Variants in IQSEC1 observed in about 807,000 individuals in gnomAD.
IQSEC1 encodes the protein IQ motif and SEC7 domain-containing protein 1.
In IQSEC1, 31 loss-of-function variants were observed where a neutral mutation model predicts 91.0. That is an observed-to-expected ratio of 0.34 (90% CI 0.26 to 0.46). The LOEUF (loss-of-function observed/expected upper bound fraction) is 0.46. IQSEC1 is among the 20% of genes least tolerant of loss of function. IQSEC1 has a pLI of 1.00. For synonymous variants in IQSEC1, 699 were observed against 662.6 expected (o/e 1.05, Z -0.84); for missense variants, 1,388 against 1,575.6 (o/e 0.88, Z 2.02).
rs201817607 is a variant in IQSEC1, at chr3:12,933,204, C to T, written c.1568+2244G>A. 6.6e-5 allele frequency among the ~76,000 whole-genome samples: 10 copies of T among 152,330 alleles called. No individual in the cohort carries two copies. The East Asian group carries it at 1.9e-3, about 29-fold the overall frequency. On this transcript the variant is annotated intron_variant, in intron 3 of 13. Transcript: ENST00000613206. Reference sequence around the variant, plus strand: ...GGAAGGGAAAGGGCAGTTCCTCCTTCAACTAAAAACGTGCCTAGCTAAGAC... The same window carrying T: ...GGAAGGGAAAGGGCAGTTCCTCCTTTAACTAAAAACGTGCCTAGCTAAGAC...
intron 1 of IQSEC1, among the ~76,000 whole-genome samples, chr3:13,262,221 C>T (rs1393134856): frequency 6.6e-6 from 1 of 152,186 alleles, no homozygotes; most frequent in African/African-American, 2.4e-5. Context: ...TACTATGCAC[C>T]GGGGTCTGTG....
rs185630397 is a variant in IQSEC1 at position 13,121,582 on chromosome 3, G to C, written c.302+42522C>G. On this transcript the variant is annotated intron_variant, in intron 2 of 15. Coordinates refer to the IQSEC1 transcript ENST00000648114. ...TCTCTGCACCTGGAATGGTGGCCCT[G>C]AGTAGTCATGCACCCGTAATTGATG... Among the ~76,000 whole-genome samples the C allele has an allele frequency of 8.8e-4, 134 of 152,342 alleles. 1 individual carries two copies. Among genetic ancestry groups the C allele is most frequent in the Non-Finnish European group, 1.9e-4 (13 of 68,016 alleles).
chr3:13,154,438 C>CGCACATATATATATATAT (rs1553569696), intron 2 of IQSEC1, among the ~76,000 whole-genome samples: 1 of 20,746 alleles, frequency 4.8e-5, no homozygotes, highest in Non-Finnish European at 8.1e-5. Context: ...AACTTACATG[C>CGCACATATATATATATAT]ATATATATAT....
intron 1 of IQSEC1, among the ~76,000 whole-genome samples, chr3:13,196,014 C>G (rs550026490): frequency 2.0e-5 from 3 of 152,310 alleles, no homozygotes; most frequent in Admixed American, 6.5e-5. Flanking sequence ...TAGAAGGTTA[C>G]TTTTTTAAAA....
intron 2 of IQSEC1, among the ~76,000 whole-genome samples, chr3:13,108,749 T>TAA (rs1355346991): frequency 6.6e-6 from 1 of 152,110 alleles, no homozygotes; most frequent in Non-Finnish European, 1.5e-5. Context: ...GGACAAAACT[T>TAA]AAAAACACAT....
chr3:12,913,245 T>C (rs1281333828), intron 9 of IQSEC1, among the ~76,000 whole-genome samples, 183 bp downstream of exon 9: 1 of 152,224 alleles, frequency 6.6e-6, no homozygotes, highest in Non-Finnish European at 1.5e-5. Flanking sequence ...AAGATCTCCC[T>C]CTGGACCTGT....
chr3:13,230,869 G>A (rs1173562582), intron 1 of IQSEC1, among the ~76,000 whole-genome samples: 2 of 152,194 alleles, frequency 1.3e-5, no homozygotes, highest in Admixed American at 1.3e-4. Flanking sequence ...CTCTTCAACT[G>A]GGGCATGGAC....
intron 1 of IQSEC1, among the ~76,000 whole-genome samples, chr3:13,011,695 TG>T (rs1702889131): frequency 6.6e-6 from 1 of 152,224 alleles, no homozygotes; most frequent in South Asian, 2.1e-4. Context: ...CACTTCTGTG[TG>T]GGGGCCTCTG....
At chr3:13,141,373 G>A (rs1428167633) in intron 2 of IQSEC1, among the ~76,000 whole-genome samples, 1 of 152,252 alleles carries the variant, frequency 6.6e-6, no homozygotes, top group Non-Finnish European at 1.5e-5. Context: ...GAGGAATGCA[G>A]CAGCCGCATG....
chr3:12,902,505 C>A (rs1424859350), intron 13 of IQSEC1, among the ~76,000 whole-genome samples: 1 of 151,798 alleles, frequency 6.6e-6, no homozygotes, highest in Non-Finnish European at 1.5e-5. Context: ...GAACCACCCC[C>A]ACTGTTGAGT....
chr3:13,102,540 C>G (rs1402119808), intron 2 of IQSEC1, among the ~76,000 whole-genome samples: 1 of 152,150 alleles, frequency 6.6e-6, no homozygotes, highest in East Asian at 1.9e-4. Context: ...TCACGGGGGT[C>G]TGGCAGGAGG....
chr3:13,265,432 C>G (rs1443366353), intron 1 of IQSEC1, among the ~76,000 whole-genome samples: 1 of 152,246 alleles, frequency 6.6e-6, no homozygotes, highest in African/African-American at 2.4e-5. Context: ...CTCAGGCTCC[C>G]AGAGATGAAG....
At chr3:13,012,964 C>CTTTTTTTTT (rs35541458) in intron 1 of IQSEC1, among the ~76,000 whole-genome samples, 21,502 of 96,152 alleles carry the variant, frequency 0.22, 4,706 homozygotes, top group African/African-American at 0.34. Context: ...AAAGTCTGGG[C>CTTTTTTTTT]TTTTTTTTTT....
At chr3:13,097,475 T>C (rs572301201) in intron 2 of IQSEC1, among the ~76,000 whole-genome samples, 93 of 152,272 alleles carry the variant, frequency 6.1e-4, no homozygotes, top group African/African-American at 2.1e-3. Flanking sequence ...GCCATGCTCC[T>C]GTGTTGGCGT....
At chr3:12,950,382 A>C (rs1429850674) in intron 1 of IQSEC1, among the ~76,000 whole-genome samples, 1 of 152,106 alleles carries the variant, frequency 6.6e-6, no homozygotes, top group Non-Finnish European at 1.5e-5. Flanking sequence ...AGGGACATAA[A>C]GTTGGCCAGC....
chr3:13,004,317 C>T (rs1261025365), intron 1 of IQSEC1, among the ~76,000 whole-genome samples: 5 of 152,172 alleles, frequency 3.3e-5, no homozygotes, highest in Middle Eastern at 3.2e-3. Flanking sequence ...TCCTGGGTGC[C>T]ATCATGTGCA....
intron 1 of IQSEC1, among the ~76,000 whole-genome samples, chr3:13,174,833 T>TCCCCCCCCCCCC (rs754194155): frequency 2.7e-5 from 3 of 112,712 alleles, no homozygotes; most frequent in African/African-American, 7.0e-5. Context: ...GTCTTTCTGC[T>TCCCCCCCCCCCC]CCCCCCCCCC....
rs1444393930 is a variant in IQSEC1, at chr3:12,936,788, T to C, written c.319-91A>G. The C allele has an allele frequency of 2.3e-6, 3 of 1,303,950 alleles. No homozygotes were observed. The African/African-American group carries it at 4.4e-5, about 19-fold the overall frequency. 80.8% of individuals were successfully genotyped at this position (1,303,950 alleles called of 1,614,324 possible). On this transcript the variant is annotated intron_variant, in intron 2 of 13. Coordinates refer to ENST00000613206, the MANE Select transcript of IQSEC1 (RefSeq NM_001134382.3). ...CCTTCCCACTTCCTAGCCACGTGGC[T>C]GTGCGACCTGGGAAGGTCCCAAAGT...
At chr3:13,250,697 C>G (rs1161045663) in intron 1 of IQSEC1, among the ~76,000 whole-genome samples, 3 of 151,928 alleles carry the variant, frequency 2.0e-5, no homozygotes, top group Non-Finnish European at 2.9e-5. Context: ...AAACTCCTGA[C>G]CTCAGGTGAT....
Sources: allele counts gnomAD v4.1 joint callset (sites outside exome capture counted in the v4.1 genomes callset), GRCh38; gene constraint gnomAD v4.1.1; transcripts MANE v1.5; gene names NCBI Gene and HGNC (gene_info 2026-07-23, HGNC 2026-07-21).